Variants in MLLT10 observed in about 807,000 individuals in gnomAD.
MLLT10 encodes protein AF-10.
Under a neutral mutation model 129.1 loss-of-function variants are expected in MLLT10, and 30 were observed. The ratio of observed to expected loss-of-function variants is 0.23; its 90% CI spans 0.17 to 0.32. MLLT10 has a LOEUF of 0.32. Ranked by LOEUF, MLLT10 falls within the 10% of genes least tolerant of loss-of-function variation. The pLI is 1.00. For synonymous variants in MLLT10, 490 were observed against 446.4 expected, an observed-to-expected ratio of 1.10 and a Z score of -1.23; for missense variants, 1,119 against 1,268.3, an observed-to-expected ratio of 0.88 and a Z score of 1.79.
chr10:21,631,313 C>CAAAAAAA (rs991306894), intron 8 of MLLT10, among the ~76,000 whole-genome samples: 26 of 47,688 alleles, frequency 5.5e-4, no homozygotes, highest in African/African-American at 8.9e-4. Context: ...GACTCCGTCT[C>CAAAAAAA]AAAAAAAAAA....
intron 8 of MLLT10, among the ~76,000 whole-genome samples, chr10:21,617,938 G>A (rs775971008): frequency 4.6e-5 from 7 of 152,094 alleles, no homozygotes; most frequent in Non-Finnish European, 8.8e-5. Context: ...CGAGAGGATC[G>A]TTTGAGTGGA....
chr10:21,710,272 AT>A (rs2055948921), intron 13 of MLLT10, among the ~76,000 whole-genome samples: 1 of 152,146 alleles, frequency 6.6e-6, no homozygotes, highest in Non-Finnish European at 1.5e-5. Flanking sequence ...TAAAATACTT[AT>A]GGGGCCACAT....
At chr10:21,644,495 A>G (rs1484470014) in intron 8 of MLLT10, among the ~76,000 whole-genome samples, 1 of 152,124 alleles carries the variant, frequency 6.6e-6, no homozygotes, top group African/African-American at 2.4e-5. Context: ...TTAGGGCAGT[A>G]TGCACTTTTT....
At chr10:21,573,390 AAGAGGAAT>A (rs2040408543) in intron 3 of MLLT10, among the ~76,000 whole-genome samples, 1 of 152,202 alleles carries the variant, frequency 6.6e-6, no homozygotes, top group African/African-American at 2.4e-5. Flanking sequence ...CACAGACCCC[AAGAGGAAT>A]AGTCATGCCA....
intron 9 of MLLT10, among the ~76,000 whole-genome samples, chr10:21,652,099 A>G (rs966064608): frequency 6.6e-6 from 1 of 151,672 alleles, no homozygotes; most frequent in Non-Finnish European, 1.5e-5. Context: ...TCTTTAGTAG[A>G]GACGGGGTTT....
chr10:21,538,268 G>A (rs990316774), intron 2 of MLLT10, among the ~76,000 whole-genome samples: 26 of 151,366 alleles, frequency 1.7e-4, no homozygotes, highest in African/African-American at 4.1e-4. Flanking sequence ...AGGTTCAAGC[G>A]ATTCTCCTGC....
intron 3 of MLLT10, among the ~76,000 whole-genome samples, chr10:21,561,516 C>T (rs546125590): frequency 1.1e-4 from 16 of 152,354 alleles, no homozygotes; most frequent in Admixed American, 7.8e-4. Flanking sequence ...ACCTCGGCCT[C>T]CCGAAGTGCT....
At chr10:21,610,062 G>T (rs760535483) in intron 5 of MLLT10, among the ~76,000 whole-genome samples, 16 of 152,142 alleles carry the variant, frequency 1.1e-4, no homozygotes, top group South Asian at 8.3e-4. Context: ...CTGGAACTGG[G>T]GATGGGACGA....
rs577136395 is a variant in MLLT10 at position 21,562,123 on chromosome 10, G to A, written c.240+23211G>A. ...GCTTGGCAACACTGTTTTGATTACT[G>A]TAGCTTTGTAGTAAGTTTTGAAATC... On this transcript the variant is annotated intron_variant, in intron 3 of 22. Coordinates refer to ENST00000307729, the MANE Select transcript of MLLT10 (RefSeq NM_001195626.3). 2.0e-5 allele frequency among the ~76,000 whole-genome samples: 3 copies of A among 152,052 alleles called. No homozygotes were observed. The East Asian group carries it at 5.8e-4, about 30-fold the overall frequency.
chr10:21,538,383 G>A (rs1031033294), intron 2 of MLLT10, among the ~76,000 whole-genome samples: 10 of 151,802 alleles, frequency 6.6e-5, no homozygotes, highest in Non-Finnish European at 1.0e-4. Flanking sequence ...GGCTGGTCTT[G>A]AACTCCCAAC....
intron 13 of MLLT10, among the ~76,000 whole-genome samples, chr10:21,691,872 G>T (rs955955241): frequency 2.0e-5 from 3 of 151,830 alleles, no homozygotes; most frequent in Non-Finnish European, 4.4e-5. Flanking sequence ...TGTGGTGCCA[G>T]GGACTTAATA....
At chr10:21,587,776 A>G (rs949204139) in intron 4 of MLLT10, among the ~76,000 whole-genome samples, 2 of 152,176 alleles carry the variant, frequency 1.3e-5, no homozygotes, top group African/African-American at 4.8e-5. Context: ...TTACAGTTTA[A>G]TCTTCAGACT....
At chr10:21,620,724 G>A (rs748350556) in intron 8 of MLLT10, among the ~76,000 whole-genome samples, 5 of 151,558 alleles carry the variant, frequency 3.3e-5, no homozygotes, top group Non-Finnish European at 7.4e-5. Context: ...GAGTCTTGCT[G>A]TTGTCGCCCA....
chr10:21,717,640 T>TTTCCTCCTCCTCTTCCTCCTCCTC (rs1564710672), intron 14 of MLLT10, among the ~76,000 whole-genome samples: 3 of 36,528 alleles, frequency 8.2e-5, no homozygotes, highest in African/African-American at 1.2e-4. Context: ...TCCTCCTCCT[T>TTTCCTCCTCCTCTTCCTCCTCCTC]TTCCTCCTCC....
intron 13 of MLLT10, among the ~76,000 whole-genome samples, chr10:21,712,452 A>C (rs1424495788): frequency 6.6e-6 from 1 of 152,202 alleles, no homozygotes; most frequent in East Asian, 1.9e-4. Flanking sequence ...GGAACAAAGT[A>C]AATTGTATGT....
chr10:21,723,159 C>G (rs1564721788), intron 14 of MLLT10, among the ~76,000 whole-genome samples: 1 of 152,064 alleles, frequency 6.6e-6, no homozygotes, highest in African/African-American at 2.4e-5. Context: ...GCTAAAGATA[C>G]TTTATCTTTT....
chr10:21,679,094 T>G (rs1043560841), intron 11 of MLLT10, among the ~76,000 whole-genome samples: 1 of 152,220 alleles, frequency 6.6e-6, no homozygotes, highest in African/African-American at 2.4e-5. Context: ...CTATAAAATG[T>G]TTGATTCAGA....
chr10:21,560,553 A>G (rs1343434220), intron 3 of MLLT10, among the ~76,000 whole-genome samples: 64 of 152,212 alleles, frequency 4.2e-4, no homozygotes, highest in Admixed American at 1.8e-3. Context: ...TGTCTCACCT[A>G]GACTCCTGTG....
intron 13 of MLLT10, among the ~76,000 whole-genome samples, chr10:21,705,738 A>C (rs2055428272): frequency 1.3e-5 from 2 of 152,196 alleles, no homozygotes; most frequent in African/African-American, 4.8e-5. Context: ...GCTGGGCCCT[A>C]GGACAGTGTG....
Sources: gnomAD v4.1 joint callset for allele counts (sites outside exome capture counted in the v4.1 genomes callset) on GRCh38, gnomAD v4.1.1 for gene constraint, MANE v1.5 for transcripts, NCBI Gene and HGNC (gene_info 2026-07-23, HGNC 2026-07-21) for gene names.